The following PSMB10 variants were observed in gnomAD, a reference collection of about 807,000 sequenced individuals.
PSMB10 encodes the protein proteasome subunit beta type-10.
In PSMB10, 29 loss-of-function variants were observed where a neutral mutation model predicts 29.8. The ratio of observed to expected loss-of-function variants is 0.97; its 90% confidence interval spans 0.73 to 1.33. PSMB10 has a LOEUF of 1.33. Among genes scored for constraint, PSMB10 ranks in the 40% most tolerant of loss-of-function variants. PSMB10 has a pLI of 0.00. For synonymous variants in PSMB10, 157 were observed against 164.7 expected (o/e 0.95, Z 0.36); for missense variants, 327 against 369.2 (o/e 0.89, Z 0.94).
Position 67,935,639 on chromosome 16 carries a change from GCGGTCC to G in PSMB10, c.436_441del (p.Gly146_Pro147del), listed in dbSNP as rs763375288. ...CCATGGGGATGCACACCGTAGAGCTGCGGTCCAGTCAGGTCTACGCCGCCCACGATC... is the reference window on the plus strand; with the variant it reads ...CCATGGGGATGCACACCGTAGAGCTGAGTCAGGTCTACGCCGCCCACGATC... On this transcript the variant is annotated inframe_deletion, in exon 5 of 8. Transcript: ENST00000358514. 3 of 1,614,220 alleles carry G rather than the reference GCGGTCC, an allele frequency of 1.9e-6. No homozygotes were observed. The highest frequency in any genetic ancestry group is 2.5e-6 in the Non-Finnish European group (3 of 1,180,050).
Position 67,935,474 on chromosome 16 carries a change from A to G in PSMB10, c.504T>C (p.Ser168=), listed in dbSNP as rs775493757. Residue 168 remains serine, a synonymous_variant, in exon 6 of 8, where the codon TCT becomes TCC. Transcript: ENST00000358514. ...GCACCGCCAGGGCCGCGTCCTGACC[A>G]GAGCCTGAAGGCAGGAGAAGCATCT... The part of the protein sequence containing the change: ...YSRLPFTALG[S]GQDAALAVLE... The G allele has an allele frequency of 1.9e-6, 3 of 1,614,230 alleles. No homozygotes were observed. The highest frequency in any genetic ancestry group is 3.3e-5 in the Admixed American group (2 of 60,030).
rs1423240519 is a variant in PSMB10 at position 67,936,848 on chromosome 16, T to C, written c.-99A>G. 7 of 998,798 alleles carry C rather than the reference T, an allele frequency of 7.0e-6. No homozygotes were observed. The East Asian group carries it at 1.8e-4, about 26-fold the overall frequency. 61.9% of individuals were successfully genotyped at this position (998,798 alleles called of 1,614,324 possible). On this transcript the variant is annotated 5_prime_UTR_variant, in exon 1 of 8. Transcript: ENST00000358514. ...AAAAAGTCCTCTGCTAGGCTTCACG[T>C]CTGTACTTCCTGCTTTCGCTTTCGC...
In PSMB10 at chr16:67,936,569, A is replaced by G. The variant is rs77570330; in HGVS notation, c.57-84T>C. On this transcript the variant is annotated intron_variant, in intron 1 of 7. Coordinates refer to ENST00000358514, the MANE Select transcript of PSMB10 (RefSeq NM_002801.4). Reference sequence around the variant, plus strand: ...CCCTAACCTGGTCCCCGTCTCCCTCATCTTCCGGGGTAAGCCTGGAACCCA... The same window carrying G: ...CCCTAACCTGGTCCCCGTCTCCCTCGTCTTCCGGGGTAAGCCTGGAACCCA... The G allele has an allele frequency of 4.0e-4, 577 of 1,459,520 alleles. 4 individuals carry two copies. In the African/African-American group the frequency reaches 7.3e-3, roughly 18 times the overall value. 90.4% of individuals were successfully genotyped at this position (1,459,520 alleles called of 1,614,324 possible). A position where few individuals can be genotyped will look rare whatever the true frequency, so the allele number is the denominator to read the frequency against.
Position 67,934,912 on chromosome 16 carries a change from T to G in PSMB10, c.595A>C (p.Thr199Pro). Residue 199 changes from threonine (T) to proline (P), a missense_variant, in exon 7 of 8, where the codon ACC becomes CCC. By Grantham distance (38) the Thr-to-Pro change is conservative. Transcript: ENST00000358514. The surrounding 1 kb of genome is among the most constrained non-coding windows in gnomAD (Gnocchi z 4.3). ...AAQGLLVEAVTAGILGDLGSG... is the reference protein window; with the variant it reads ...AAQGLLVEAVPAGILGDLGSG... ...CCCAGGTCACCCAAGATCCCGGCGG[T>G]GACGGCTTCCACCAGCAGCCCCTGA... 1 of 1,613,078 alleles carries G rather than the reference T, an allele frequency of 6.2e-7. No homozygotes were observed. Among genetic ancestry groups the G allele is most frequent in the Non-Finnish European group, 8.5e-7 (1 of 1,179,986 alleles).
rs1311338332 is a variant in PSMB10 at position 67,934,875 on chromosome 16, T to C, written c.632A>G (p.Asn211Ser). 6.2e-7 allele frequency: 1 copy of C among 1,613,960 alleles called. No homozygotes were observed. The highest frequency in any genetic ancestry group is 8.5e-7 in the Non-Finnish European group (1 of 1,180,010). Residue 211 changes from asparagine to serine, a missense_variant, in exon 7 of 8, where the codon AAT (asparagine) becomes AGT (serine). Asn to Ser is a conservative substitution (Grantham distance 46). Coordinates refer to ENST00000358514, the MANE Select transcript of PSMB10 (RefSeq NM_002801.4). The surrounding 1 kb of genome is among the most constrained non-coding windows in gnomAD (Gnocchi z 4.3). ...CTTTGTGATCACACATGCGTCCACA[T>C]TGCCCCCGGAGCCCAGGTCACCCAA... Reference protein sequence around the residue: ...GILGDLGSGGNVDACVITKTG... With the variant: ...GILGDLGSGGSVDACVITKTG...
chr16:67,936,721 C>G lies in PSMB10; in HGVS notation c.29G>C (p.Gly10Ala). 6.4e-7 allele frequency: 1 copy of G among 1,556,870 alleles called. No individual in the cohort carries two copies. Among genetic ancestry groups the G allele is most frequent in the Non-Finnish European group, 8.7e-7 (1 of 1,149,826 alleles). Residue 10 changes from glycine (G) to alanine (A), a missense_variant, in exon 1 of 8, where the codon GGG becomes GCG. Transcript: ENST00000358514. MLKPALEPR[G>A]GFSFENCQRN... ...TTGGCAGTTCTCGAAGGAGAAGCCCCCTCGGGGCTCCAGGGCTGGCTTCAG... is the reference window on the plus strand; with the variant it reads ...TTGGCAGTTCTCGAAGGAGAAGCCCGCTCGGGGCTCCAGGGCTGGCTTCAG...
At chr16:67,936,588 GA>G (rs908752774) in intron 1 of PSMB10, 103 bp from the exon 2 acceptor site, 123 of 1,455,642 alleles carry the variant, frequency 8.4e-5, no homozygotes, top group Non-Finnish European at 1.1e-4. Flanking sequence ...GGTAAGCCTG[GA>G]ACCCAAGTCG....
chr16:67,935,747 C>G (rs879375019), intron 4 of PSMB10, 50 bp from the exon 5 acceptor site: 1 of 1,585,938 alleles, frequency 6.3e-7, no homozygotes, highest in Non-Finnish European at 8.6e-7. Flanking sequence ...TAGGCCCCAC[C>G]TCTCTATGCC....
rs936705533 is a variant in PSMB10, at chr16:67,934,542, C to A, written c.*18G>T. The A allele has an allele frequency of 6.2e-7, 1 of 1,605,884 alleles. No individual in the cohort carries two copies. The highest frequency in any genetic ancestry group is 8.5e-7 in the Non-Finnish European group (1 of 1,172,658). On this transcript the variant is annotated 3_prime_UTR_variant, in exon 8 of 8. Coordinates refer to ENST00000358514, the MANE Select transcript of PSMB10 (RefSeq NM_002801.4). This position sits in a 1 kb window ranked among gnomAD's most constrained non-coding sequence, Gnocchi z 4.3. ...TTTCTGGGTTTATTCCCCCTTGTTC[C>A]AAGCTCTAAGCCTCAGCTTACTCCA...
chr16:67,935,065 T>G, intron 6 of PSMB10, 117 bp from the exon 7 acceptor site: 2 of 1,366,826 alleles, frequency 1.5e-6, no homozygotes, highest in Non-Finnish European at 2.0e-6. Flanking sequence ...ACCCCCACTG[T>G]GTTTCTCCCT....
Position 67,936,400 on chromosome 16 carries a change from G to A in PSMB10, c.142C>T (p.Gln48Ter), listed in dbSNP as rs1380606698. ...TGTTIAGLVF[Q>*]DGVILGADTR... ...CCCCGTCCCTCCCCGCTGCTCACTT[G>A]GAACACCAGGCCCGCGATGGTGGTC... The change falls in exon 2 of 8, where the codon CAA becomes TAA. Residue 48 changes from glutamine (Q) to a stop codon, truncating the protein, a stop_gained and splice_region_variant. Transcript: ENST00000358514. LOFTEE classifies it high-confidence loss of function. 1 of 1,613,074 alleles carries A rather than the reference G, an allele frequency of 6.2e-7. No homozygotes were observed. The highest frequency in any genetic ancestry group is 1.1e-5 in the South Asian group (1 of 91,006).
chr16:67,936,612 TC>T (rs2058265286), intron 1 of PSMB10, 81 bp downstream of exon 1: 1 of 1,336,848 alleles, frequency 7.5e-7, no homozygotes, highest in Non-Finnish European at 1.0e-6. Context: ...CAACACACCC[TC>T]CCCCACCCCC....
Position 67,936,809 on chromosome 16 carries a change from G to T in PSMB10, c.-60C>A, listed in dbSNP as rs985870698. On this transcript the variant is annotated 5_prime_UTR_variant, in exon 1 of 8. Coordinates refer to ENST00000358514, the MANE Select transcript of PSMB10 (RefSeq NM_002801.4). ...CGGATGAGTCGGCCAGACAAGCGGG[G>T]CCAGTGAGCAGCTAAAAAGTCCTCT... The T allele has an allele frequency of 2.1e-6, 3 of 1,434,552 alleles. No homozygotes were observed. Among genetic ancestry groups the T allele is most frequent in the Non-Finnish European group, 2.9e-6 (3 of 1,048,256 alleles). The allele number at this position is 1,434,552 out of a possible 1,614,324, so 88.9% of individuals were successfully genotyped here.
In PSMB10 at chr16:67,936,019, C is replaced by G. The variant is rs765823898; in HGVS notation, c.327G>C (p.Thr109=). ...CCGTGGCCACGCGGGGCTCGCGGCC[C>G]GTAGATAACGCGTGTAGCTCCATCT... is the stretch of plus-strand genomic sequence containing the variant. ...ASKMELHALS[T]GREPRVATVT... The change falls in exon 4 of 8, where the codon ACG becomes ACC. Residue 109 remains threonine, a synonymous_variant. Coordinates refer to ENST00000358514, the MANE Select transcript of PSMB10 (RefSeq NM_002801.4). 6 of 1,612,490 alleles carry G rather than the reference C, an allele frequency of 3.7e-6. No homozygotes were observed. The East Asian group carries it at 1.1e-4, about 30-fold the overall frequency.
Position 67,934,854 on chromosome 16 carries a change from G to T in PSMB10, c.653C>A (p.Thr218Lys), listed in dbSNP as rs1314280811. ...SGGNVDACVI[T>K]KTGAKLLRTL... ...CCGCAGCAGCTTGGCGCCAGTCTTT[G>T]TGATCACACATGCGTCCACATTGCC... The change falls in exon 7 of 8, where the codon ACA becomes AAA. Residue 218 changes from threonine (T) to lysine (K), a missense_variant. By Grantham distance (78) the Thr-to-Lys change is moderately conservative. Coordinates refer to ENST00000358514, the MANE Select transcript of PSMB10 (RefSeq NM_002801.4). This position sits in a 1 kb window ranked among gnomAD's most constrained non-coding sequence, Gnocchi z 4.3. The T allele has an allele frequency of 8.7e-6, 14 of 1,613,956 alleles. No individual in the cohort carries two copies. Among genetic ancestry groups the T allele is most frequent in the Non-Finnish European group, 1.1e-5 (13 of 1,180,030 alleles).
chr16:67,935,263 G>T (rs542246429), intron 6 of PSMB10, 157 bp downstream of exon 6: 2 of 880,964 alleles, frequency 2.3e-6, no homozygotes, highest in South Asian at 3.2e-5. Flanking sequence ...GTGTTATGTC[G>T]GGACCGCACT....
intron 1 of PSMB10, 78 bp from the exon 2 acceptor site, chr16:67,936,563 T>C: frequency 6.9e-7 from 1 of 1,456,064 alleles, no homozygotes; most frequent in Non-Finnish European, 9.3e-7. Flanking sequence ...GGTCCCCGTC[T>C]CCCTCATCTT....
In PSMB10 at chr16:67,935,794, C is replaced by T. The variant is rs2058260931; in HGVS notation, c.384-97G>A. On this transcript the variant is annotated intron_variant, in intron 4 of 7. Coordinates refer to ENST00000358514, the MANE Select transcript of PSMB10 (RefSeq NM_002801.4). ...TGCTATCCCCGCCCCTTCCTGTGGGCTGGCGCCCGATGACTGACATCGCCT... is the reference window on the plus strand; with the variant it reads ...TGCTATCCCCGCCCCTTCCTGTGGGTTGGCGCCCGATGACTGACATCGCCT... The T allele has an allele frequency of 3.3e-6, 5 of 1,499,734 alleles. No individual in the cohort carries two copies. In the South Asian group the frequency reaches 4.7e-5, roughly 14 times the overall value. The allele number at this position is 1,499,734 out of a possible 1,614,324, so 92.9% of individuals were successfully genotyped here.
rs1481965407 is a variant in PSMB10, at chr16:67,936,685, C to T, written c.56+9G>A. 7 of 1,551,120 alleles carry T rather than the reference C, an allele frequency of 4.5e-6. No individual in the cohort carries two copies. Among genetic ancestry groups the T allele is most frequent in the African/African-American group, 2.7e-5 (2 of 73,088 alleles). On this transcript the variant is annotated intron_variant, in intron 1 of 7. Coordinates refer to ENST00000358514, the MANE Select transcript of PSMB10 (RefSeq NM_002801.4). ...TCAGGAGTGACCGCCCCCCGCGCCC[C>T]CGCTTCACCTTTGGCAGTTCTCGAA...
Sources: allele counts gnomAD v4.1 joint callset, GRCh38; gene constraint gnomAD v4.1.1; non-coding constraint Gnocchi (gnomAD v3.1); transcripts MANE v1.5; gene names NCBI Gene and HGNC (gene_info 2026-07-23, HGNC 2026-07-21).